FRMD3: variants seen among roughly 807,000 people sequenced by gnomAD.
FRMD3 encodes the protein FERM domain-containing protein 3.
In FRMD3, 33 loss-of-function variants were observed where a neutral mutation model predicts 70.2. That is an observed-to-expected ratio of 0.47 (90% confidence interval 0.36 to 0.63). The LOEUF is 0.63. Ranked by LOEUF, FRMD3 falls within the 20% of genes least tolerant of loss-of-function variation. FRMD3 has a pLI of 0.00. For missense variants in FRMD3, 632 were observed against 711.4 expected (o/e 0.89, Z 1.27); for synonymous variants, 279 against 255.9 (o/e 1.09, Z -0.86).
At chr9:83,509,737 ATCTACAATTACC>A (rs1469413633) in intron 1 of FRMD3, among the ~76,000 whole-genome samples, 3 of 152,288 alleles carry the variant, frequency 2.0e-5, no homozygotes, top group African/African-American at 7.2e-5. Flanking sequence ...CTGCATGTGA[ATCTACAATTACC>A]TCAAAATACA....
chr9:83,313,927 G>A (rs935367962), intron 6 of FRMD3, among the ~76,000 whole-genome samples, 180 bp from the exon 7 acceptor site: 5 of 152,126 alleles, frequency 3.3e-5, no homozygotes, highest in African/African-American at 4.8e-5. Flanking sequence ...TAAGGAACCC[G>A]AGCTTGTGTT....
At chr9:83,539,698 T>TTC (rs1273519273), upstream of FRMD3, among the ~76,000 whole-genome samples, 1 of 152,160 alleles carries the variant, frequency 6.6e-6, no homozygotes, top group Non-Finnish European at 1.5e-5. Flanking sequence ...GCATTTGGAC[T>TTC]TCTCTCTCTG....
At chr9:83,380,651 A>G (rs1027957978) in intron 2 of FRMD3, among the ~76,000 whole-genome samples, 1 of 152,190 alleles carries the variant, frequency 6.6e-6, no homozygotes, top group African/African-American at 2.4e-5. Context: ...GGCCACTGCT[A>G]AGACAAAAAA....
intron 13 of FRMD3, among the ~76,000 whole-genome samples, chr9:83,263,861 C>T (rs11795001): frequency 0.036 from 5,511 of 152,240 alleles, 123 homozygotes; most frequent in Middle Eastern, 0.078. Context: ...ATATCCATAA[C>T]AAGAAGCCTG....
rs1455605502 is a variant in FRMD3, at chr9:83,244,845, AC to A, written c.*3072del. On this transcript the variant is annotated 3_prime_UTR_variant, in exon 14 of 14. Transcript: ENST00000304195. ...ACAAACCACAAAATATATTCCAAAT[AC>A]ATAACATTTTACAATATTTTTCAAG... 1.0e-6 allele frequency: 1 copy of A among 984,138 alleles called. No homozygotes were observed. The highest frequency in any genetic ancestry group is 1.2e-6 in the Non-Finnish European group (1 of 828,924). The allele number at this position is 984,138 out of a possible 1,614,324, so 61.0% of individuals were successfully genotyped here. A position where few individuals can be genotyped will look rare whatever the true frequency, so the allele number is the denominator to read the frequency against.
At chr9:83,575,278 C>T in the FRMD3 span, among the ~76,000 whole-genome samples, 21 of 152,246 alleles carry the variant, frequency 1.4e-4, no homozygotes, top group South Asian at 2.1e-3. Flanking sequence ...TGAACTAGAA[C>T]GAGGGGTTTA....
intron 11 of FRMD3, 36 bp downstream of exon 11, chr9:83,299,076 C>T (rs1191050103): frequency 1.4e-6 from 2 of 1,460,616 alleles, no homozygotes. Flanking sequence ...CTGCCCATCC[C>T]CACCCCCTCA....
At chr9:83,373,845 G>A (rs537242693) in intron 2 of FRMD3, among the ~76,000 whole-genome samples, 2 of 152,270 alleles carry the variant, frequency 1.3e-5, no homozygotes, top group African/African-American at 4.8e-5. Flanking sequence ...TGCCGGAGAG[G>A]AAATCAGAAG....
intron 1 of FRMD3, among the ~76,000 whole-genome samples, chr9:83,517,641 T>A (rs1260461622): frequency 1.3e-5 from 2 of 151,988 alleles, no homozygotes; most frequent in Non-Finnish European, 2.9e-5. Context: ...ACTCAATATA[T>A]GAGGCCAGCA....
intron 10 of FRMD3, among the ~76,000 whole-genome samples, chr9:83,306,355 G>A (rs1042925668): frequency 1.6e-4 from 25 of 152,112 alleles, no homozygotes; most frequent in African/African-American, 5.1e-4. Context: ...CTTTCACACT[G>A]GTCAAGCCAT....
chr9:83,350,310 A>C (rs1824103078), intron 3 of FRMD3, among the ~76,000 whole-genome samples: 1 of 152,190 alleles, frequency 6.6e-6, no homozygotes, highest in Non-Finnish European at 1.5e-5. Flanking sequence ...CTATAAAGGC[A>C]GTCACCTGTA....
chr9:83,301,316 C>A (rs1456711079), intron 10 of FRMD3, among the ~76,000 whole-genome samples: 2 of 152,166 alleles, frequency 1.3e-5, no homozygotes, highest in Non-Finnish European at 2.9e-5. Context: ...CCCACTAGCC[C>A]TACAGAGCTG....
At chr9:83,403,307 T>C (rs558634641) in intron 1 of FRMD3, among the ~76,000 whole-genome samples, 3 of 152,232 alleles carry the variant, frequency 2.0e-5, no homozygotes, top group African/African-American at 7.2e-5. Flanking sequence ...GTAGCATTTT[T>C]TGCAATAAGA....
chr9:83,447,092 C>G (rs139363100), intron 1 of FRMD3, among the ~76,000 whole-genome samples: 57 of 152,224 alleles, frequency 3.7e-4, no homozygotes, highest in African/African-American at 1.3e-3. Flanking sequence ...GGCGCCATCT[C>G]GGCTCACTGC....
intron 1 of FRMD3, among the ~76,000 whole-genome samples, chr9:83,486,588 A>G (rs1337525726): frequency 1.3e-5 from 2 of 152,222 alleles, no homozygotes; most frequent in Non-Finnish European, 2.9e-5. Context: ...TAGGAAATAC[A>G]TTTCTCAACA....
chr9:83,296,775 G>C (rs62563574), intron 12 of FRMD3, among the ~76,000 whole-genome samples: 5 of 152,096 alleles, frequency 3.3e-5, no homozygotes, highest in African/African-American at 1.2e-4. Flanking sequence ...CTCGCACTCT[G>C]GGGTTCAGTC....
chr9:83,411,947 A>T (rs1358681046), intron 1 of FRMD3, among the ~76,000 whole-genome samples: 4 of 152,194 alleles, frequency 2.6e-5, no homozygotes, highest in Non-Finnish European at 5.9e-5. Flanking sequence ...ATAATTCTCA[A>T]CACATAAGGC....
At chr9:83,260,519 C>T (rs575820356) in intron 13 of FRMD3, among the ~76,000 whole-genome samples, 1 of 152,280 alleles carries the variant, frequency 6.6e-6, no homozygotes, top group East Asian at 1.9e-4. Context: ...TTGCCTGGAA[C>T]AGTCCCACTC....
intron 1 of FRMD3, among the ~76,000 whole-genome samples, chr9:83,487,649 C>T (rs4590516): frequency 6.6e-6 from 1 of 152,138 alleles, no homozygotes; most frequent in African/African-American, 2.4e-5. Context: ...TAGGAGAGCC[C>T]TTATAAGCCT....
Sources: gnomAD v4.1 joint callset for allele counts (sites outside exome capture counted in the v4.1 genomes callset) on GRCh38, gnomAD v4.1.1 for gene constraint, MANE v1.5 for transcripts, NCBI Gene and HGNC (gene_info 2026-07-23, HGNC 2026-07-21) for gene names.